BTF3L4: variants seen among roughly 807,000 people sequenced by gnomAD.
BTF3L4 encodes the protein transcription factor BTF3 homolog 4.
BTF3L4 carries 6 observed loss-of-function variants against 16.8 expected under a neutral mutation model. The observed-to-expected ratio is 0.36, with a 90% CI of 0.20 to 0.71. The LOEUF (loss-of-function observed/expected upper bound fraction) is 0.71, where lower values mean the gene tolerates loss of function less well. Ranked by LOEUF, BTF3L4 falls within the 30% of genes least tolerant of loss-of-function variation. BTF3L4 has a pLI of 0.58. For missense variants in BTF3L4, 92 were observed against 186.9 expected (o/e 0.49, Z 2.96); for synonymous variants, 39 against 59.8 (o/e 0.65, Z 1.60).
At chr1:52,086,217 TCTC>T (rs975524700) in intron 5 of BTF3L4, 46 bp downstream of exon 5, 2 of 1,443,054 alleles carry the variant, frequency 1.4e-6, no homozygotes, top group Non-Finnish European at 1.9e-6. Context: ...ATCCTGTTTA[TCTC>T]CTTTCAGTCA....
intron 3 of BTF3L4, among the ~76,000 whole-genome samples, chr1:52,074,237 G>GGCTGTGCCACTGCA (rs1686872869): frequency 6.6e-6 from 1 of 151,374 alleles, no homozygotes; most frequent in Non-Finnish European, 1.5e-5. Context: ...CTCACTCTAT[G>GGCTGTGCCACTGCA]CCCAGGCTGG....
At chr1:52,080,622 C>T (rs575310885) in intron 3 of BTF3L4, among the ~76,000 whole-genome samples, 85 of 146,216 alleles carry the variant, frequency 5.8e-4, no homozygotes, top group African/African-American at 1.9e-3. Flanking sequence ...CAACCTATGT[C>T]TCCCAGGTTC....
At chr1:52,066,457 C>T (rs1686650559) in intron 3 of BTF3L4, among the ~76,000 whole-genome samples, 1 of 151,674 alleles carries the variant, frequency 6.6e-6, no homozygotes, top group Admixed American at 6.6e-5. Flanking sequence ...CCACCTTGGC[C>T]TCCCAAAGTG....
At chr1:52,071,601 T>G (rs1000854392) in intron 3 of BTF3L4, among the ~76,000 whole-genome samples, 4 of 152,220 alleles carry the variant, frequency 2.6e-5, no homozygotes, top group African/African-American at 7.2e-5. Flanking sequence ...TGCAGTAAGT[T>G]AGCTATAGGG....
At chr1:52,060,227 T>C (rs1419607092) in intron 2 of BTF3L4, among the ~76,000 whole-genome samples, 1 of 152,190 alleles carries the variant, frequency 6.6e-6, no homozygotes, top group Non-Finnish European at 1.5e-5. Flanking sequence ...TGTTTAAAGA[T>C]TAGGGTAATA....
intron 3 of BTF3L4, among the ~76,000 whole-genome samples, chr1:52,069,770 T>C (rs1199143261): frequency 2.0e-5 from 3 of 152,186 alleles, no homozygotes; most frequent in Non-Finnish European, 4.4e-5. Context: ...TCAAAATTCA[T>C]TGAATGCACT....
intron 2 of BTF3L4, among the ~76,000 whole-genome samples, chr1:52,060,119 A>C (rs1256115682): frequency 6.6e-6 from 1 of 152,152 alleles, no homozygotes; most frequent in Non-Finnish European, 1.5e-5. Context: ...TTGAATCCTA[A>C]CTCTTACCAT....
intron 1 of BTF3L4, among the ~76,000 whole-genome samples, chr1:52,059,129 A>G (rs534769894): frequency 6.6e-6 from 1 of 152,044 alleles, no homozygotes; most frequent in African/African-American, 2.4e-5. Flanking sequence ...AAATTGTGCA[A>G]TGAAGCATTT....
At position 52,087,628 on chromosome 1, in the gene BTF3L4, A is replaced by T. The variant is rs2124451710; in HGVS notation, c.*870A>T. The T allele has an allele frequency of 6.6e-6, 1 of 152,250 alleles. No individual in the cohort carries two copies. The highest frequency in any genetic ancestry group is 2.4e-5 in the African/African-American group (1 of 41,530). The allele number at this position is 152,250 out of a possible 1,614,324, so 9.4% of individuals were successfully genotyped here. On this transcript the variant is annotated 3_prime_UTR_variant, in exon 6 of 6. Coordinates refer to ENST00000313334, the MANE Select transcript of BTF3L4 (RefSeq NM_152265.5). ...ATCTTCAACTTTTTATTTCTCCCTGATGTTACAGTTTGGTAGATTTCAAAC... is the reference window on the plus strand; with the variant it reads ...ATCTTCAACTTTTTATTTCTCCCTGTTGTTACAGTTTGGTAGATTTCAAAC...
In BTF3L4 at chr1:52,062,682, G is replaced by A. The variant is rs1020335989; in HGVS notation, c.55-2143G>A. Reference sequence around the variant, plus strand: ...AAATGACTGCCATTTTAGAAAGGTAGCTGCTGGCGTTGTGGAAAATGGAAC... The same window carrying A: ...AAATGACTGCCATTTTAGAAAGGTAACTGCTGGCGTTGTGGAAAATGGAAC... On this transcript the variant is annotated intron_variant, in intron 2 of 5. Coordinates refer to ENST00000313334, the MANE Select transcript of BTF3L4 (RefSeq NM_152265.5). Among the ~76,000 whole-genome samples the A allele has an allele frequency of 2.0e-5, 3 of 152,182 alleles. No individual in the cohort carries two copies. In the South Asian group the frequency reaches 6.2e-4, roughly 31 times the overall value.
At chr1:52,072,001 A>T (rs1305002971) in intron 3 of BTF3L4, among the ~76,000 whole-genome samples, 1 of 129,370 alleles carries the variant, frequency 7.7e-6, no homozygotes, top group Non-Finnish European at 1.6e-5. Context: ...ATATCACAAA[A>T]TTTGCCATTT....
chr1:52,088,398 T>G lies in BTF3L4; in HGVS notation c.*1640T>G, dbSNP rs1643990904. The stretch of plus-strand genomic sequence containing the variant: ...AATAACAGTGCAAAAGAGGAGAATA[T>G]TTCCTCTTGTGCTTTTCTTGATGTT... On this transcript the variant is annotated 3_prime_UTR_variant, in exon 6 of 6. Coordinates refer to ENST00000313334, the MANE Select transcript of BTF3L4 (RefSeq NM_152265.5). The G allele has an allele frequency of 6.6e-6, 1 of 152,638 alleles. No homozygotes were observed. The highest frequency in any genetic ancestry group is 2.4e-5 in the African/African-American group (1 of 41,452). 9.5% of individuals were successfully genotyped at this position (152,638 alleles called of 1,614,324 possible).
At chr1:52,079,288 C>G (rs1224592880) in intron 3 of BTF3L4, among the ~76,000 whole-genome samples, 1 of 148,526 alleles carries the variant, frequency 6.7e-6, no homozygotes, top group Non-Finnish European at 1.5e-5. Flanking sequence ...GAGGCTGAGG[C>G]AGGAGAATCG....
chr1:52,061,444 C>T (rs1032054350), intron 2 of BTF3L4, among the ~76,000 whole-genome samples: 5 of 144,786 alleles, frequency 3.5e-5, no homozygotes, highest in African/African-American at 1.3e-4. Flanking sequence ...GCCAAGATTG[C>T]ACCACTGCAC....
chr1:52,072,639 G>T (rs4630072), intron 3 of BTF3L4, among the ~76,000 whole-genome samples: 140,290 of 152,184 alleles, frequency 0.92, 65,527 homozygotes, highest in Non-Finnish European at 1. Flanking sequence ...AGGGTTCATC[G>T]AGGTCATAGT....
chr1:52,072,817 T>G (rs1686824949), intron 3 of BTF3L4, among the ~76,000 whole-genome samples: 1 of 152,188 alleles, frequency 6.6e-6, no homozygotes, highest in Admixed American at 6.5e-5. Context: ...TCCTAGCACT[T>G]TGGGAGGCTG....
intron 3 of BTF3L4, among the ~76,000 whole-genome samples, chr1:52,071,774 C>T (rs932978387): frequency 6.6e-5 from 10 of 152,156 alleles, no homozygotes; most frequent in Non-Finnish European, 1.5e-4. Context: ...GCAGTTCCTT[C>T]TTCCTCCAGC....
At chr1:52,075,697 CTT>C (rs1558008414) in intron 3 of BTF3L4, among the ~76,000 whole-genome samples, 1 of 150,838 alleles carries the variant, frequency 6.6e-6, no homozygotes, top group African/African-American at 2.4e-5. Flanking sequence ...TTTCAACTCT[CTT>C]GTTGCCCAGG....
intron 2 of BTF3L4, among the ~76,000 whole-genome samples, chr1:52,061,635 C>CTTT (rs67186641): frequency 3.2e-4 from 21 of 65,006 alleles, no homozygotes; most frequent in Admixed American, 7.8e-4. Context: ...TACAGCTATT[C>CTTT]TTTTTTTTTT....
Sources: allele counts gnomAD v4.1 joint callset (sites outside exome capture counted in the v4.1 genomes callset), GRCh38; gene constraint gnomAD v4.1.1; transcripts MANE v1.5; gene names NCBI Gene and HGNC (gene_info 2026-07-23, HGNC 2026-07-21).